The following RAVER2 variants were observed in gnomAD, a reference collection of about 807,000 sequenced individuals.
RAVER2 encodes ribonucleoprotein, PTB binding 2.
A neutral mutation model predicts 78.1 loss-of-function variants in RAVER2; 46 were observed. That is an observed-to-expected ratio of 0.59 (90% CI 0.46 to 0.75). The LOEUF (loss-of-function observed/expected upper bound fraction) is 0.75. Among genes scored for constraint, RAVER2 ranks in the 30% least tolerant of loss-of-function variants. The pLI, the probability that RAVER2 is intolerant of heterozygous loss-of-function variation, is 0.00. For synonymous variants in RAVER2, 311 were observed against 313.3 expected (o/e 0.99, Z 0.08); for missense variants, 793 against 837.5 (o/e 0.95, Z 0.66).
chr1:64,770,751 A>C (rs1652293552), intron 2 of RAVER2, among the ~76,000 whole-genome samples: 1 of 152,070 alleles, frequency 6.6e-6, no homozygotes. Flanking sequence ...AAGATATAAA[A>C]TATCCAAATC....
intron 9 of RAVER2, among the ~76,000 whole-genome samples, chr1:64,809,146 A>G (rs922313617): frequency 2.0e-5 from 3 of 152,212 alleles, no homozygotes; most frequent in South Asian, 2.1e-4. Context: ...TAAGTACAAC[A>G]TACAATAAAG....
intron 10 of RAVER2, among the ~76,000 whole-genome samples, chr1:64,813,857 AC>A (rs1374245463): frequency 6.6e-6 from 1 of 151,082 alleles, no homozygotes; most frequent in East Asian, 1.9e-4. Context: ...ACACACACAC[AC>A]ACACACACAC....
chr1:64,755,730 T>TTG (rs1651836043), intron 1 of RAVER2, among the ~76,000 whole-genome samples: 1 of 140,706 alleles, frequency 7.1e-6, no homozygotes, highest in African/African-American at 2.7e-5. Context: ...CATAGTTTTT[T>TTG]TTTTTTTTTT....
chr1:64,816,518 T>C (rs1000384208), intron 11 of RAVER2: 1 of 152,240 alleles, frequency 6.6e-6, no homozygotes, highest in African/African-American at 2.4e-5. Context: ...ATAACCATTA[T>C]AGAAAAAGGT....
intron 11 of RAVER2, among the ~76,000 whole-genome samples, chr1:64,824,877 G>A (rs1653969696): frequency 7.1e-6 from 1 of 139,986 alleles, no homozygotes; most frequent in Admixed American, 7.6e-5. Flanking sequence ...GCTTTAGTGA[G>A]CCGAGATCCC....
intron 1 of RAVER2, among the ~76,000 whole-genome samples, chr1:64,754,338 G>A (rs992520511): frequency 6.6e-6 from 1 of 152,130 alleles, no homozygotes; most frequent in African/African-American, 2.4e-5. Context: ...TGTTTCAAAG[G>A]GCAAGGATCA....
At chr1:64,755,469 G>T (rs1042443067) in intron 1 of RAVER2, among the ~76,000 whole-genome samples, 4 of 151,984 alleles carry the variant, frequency 2.6e-5, no homozygotes, top group Admixed American at 2.6e-4. Context: ...AAATTTGTTT[G>T]ACTCTGTATT....
At chr1:64,803,738 T>A (rs1236261895) in intron 6 of RAVER2, among the ~76,000 whole-genome samples, 1 of 152,232 alleles carries the variant, frequency 6.6e-6, no homozygotes, top group African/African-American at 2.4e-5. Flanking sequence ...TATTCATTCA[T>A]TTACTCAATG....
intron 4 of RAVER2, among the ~76,000 whole-genome samples, chr1:64,787,201 T>C (rs1169752839): frequency 6.6e-6 from 1 of 152,216 alleles, no homozygotes; most frequent in Non-Finnish European, 1.5e-5. Flanking sequence ...TTCTGTCTTA[T>C]AGGTGGTTCA....
At chr1:64,761,418 G>A (rs917344621) in intron 1 of RAVER2, among the ~76,000 whole-genome samples, 1 of 152,198 alleles carries the variant, frequency 6.6e-6, no homozygotes, top group Non-Finnish European at 1.5e-5. Context: ...GCTTGGGAGA[G>A]AAGTTTGAAA....
chr1:64,749,269 G>A (rs568849941), intron 1 of RAVER2, among the ~76,000 whole-genome samples: 1 of 152,254 alleles, frequency 6.6e-6, no homozygotes, highest in Non-Finnish European at 1.5e-5. Context: ...GCAGTGCAGT[G>A]GTGTGACCTC....
At chr1:64,811,699 A>G (rs1387957383) in intron 9 of RAVER2, among the ~76,000 whole-genome samples, 2 of 152,240 alleles carry the variant, frequency 1.3e-5, no homozygotes, top group African/African-American at 4.8e-5. Flanking sequence ...TGTAACATAC[A>G]ACATATGTGT....
chr1:64,779,847 G>A (rs902850816), intron 3 of RAVER2, among the ~76,000 whole-genome samples: 3 of 151,304 alleles, frequency 2.0e-5, no homozygotes, highest in East Asian at 1.9e-4. Flanking sequence ...GAAAATATTT[G>A]CTACCATATT....
At chr1:64,752,148 C>G (rs1241313675) in intron 1 of RAVER2, among the ~76,000 whole-genome samples, 1 of 152,220 alleles carries the variant, frequency 6.6e-6, no homozygotes, top group Admixed American at 6.5e-5. Context: ...CACTCCTTAT[C>G]CAGGGAGGCT....
intron 2 of RAVER2, among the ~76,000 whole-genome samples, 179 bp from the exon 3 acceptor site, chr1:64,777,444 G>T (rs1265963369): frequency 6.6e-6 from 1 of 151,996 alleles, no homozygotes; most frequent in African/African-American, 2.4e-5. Context: ...ATTAAAAAAC[G>T]CACTGAAATA....
rs139443709 is a variant in RAVER2, at chr1:64,783,421, A to G, written c.978+1850A>G. Among the ~76,000 whole-genome samples, 374 of 152,308 alleles carry G rather than the reference A, an allele frequency of 2.5e-3. 4 individuals carry two copies. The highest frequency in any genetic ancestry group is 8.6e-3 in the African/African-American group (359 of 41,566). ...GTTTCCTGACTTTTTAATGATCGCC[A>G]TTCTAACTGGTGTGAAATGATATCT... On this transcript the variant is annotated intron_variant, in intron 4 of 11. Transcript: ENST00000294428.
At position 64,779,542 on chromosome 1, in the gene RAVER2, ATT is replaced by A. The variant is rs11354689; in HGVS notation, c.786+1464_786+1465del. Among the ~76,000 whole-genome samples the A allele has an allele frequency of 2.4e-3, 348 of 143,808 alleles. 2 individuals carry two copies. Among genetic ancestry groups the A allele is most frequent in the African/African-American group, 7.4e-3 (287 of 38,944 alleles). 94.3% of individuals were successfully genotyped at this position (143,808 alleles called of 152,430 possible). ...CATTACTATGCCCAACTACTTTTTAATTTTTTTTTTTTTTTGGTAGAGACTGG... is the reference window on the plus strand; with the variant it reads ...CATTACTATGCCCAACTACTTTTTAATTTTTTTTTTTTTGGTAGAGACTGG... On this transcript the variant is annotated intron_variant, in intron 3 of 11. Transcript: ENST00000294428.
chr1:64,768,520 G>GA, intron 1 of RAVER2, 136 bp from the exon 2 acceptor site: 2 of 639,454 alleles, frequency 3.1e-6, no homozygotes, highest in Non-Finnish European at 5.6e-6. Context: ...AAGTAATGGG[G>GA]ATCCATGAAA....
At chr1:64,795,944 T>G (rs758860628) in intron 5 of RAVER2, among the ~76,000 whole-genome samples, 10 of 152,018 alleles carry the variant, frequency 6.6e-5, no homozygotes, top group Non-Finnish European at 1.3e-4. Context: ...TTCACAGATT[T>G]CTTTTATTAA....
Sources: allele counts gnomAD v4.1 joint callset (sites outside exome capture counted in the v4.1 genomes callset), GRCh38; gene constraint gnomAD v4.1.1; transcripts MANE v1.5; gene names NCBI Gene and HGNC (gene_info 2026-07-23, HGNC 2026-07-21).